Variants in OLR1 observed in about 807,000 individuals in gnomAD.
OLR1 encodes the protein oxidized low-density lipoprotein receptor 1.
A neutral mutation model predicts 31.7 loss-of-function variants in OLR1; 23 were observed. The observed-to-expected ratio is 0.72, with a 90% confidence interval of 0.52 to 1.03. The LOEUF (loss-of-function observed/expected upper bound fraction) is 1.03. OLR1 is among the 50% of genes least tolerant of loss of function. OLR1 has a pLI of 0.00. For synonymous variants in OLR1, 117 were observed against 115.8 expected, an observed-to-expected ratio of 1.01 and a Z score of -0.07; for missense variants, 286 against 315.7, an observed-to-expected ratio of 0.91 and a Z score of 0.71.
Position 10,166,828 on chromosome 12 carries a change from T to C in OLR1, c.308A>G (p.Lys103Arg). ...EASQESENEL[K>R]EMIETLARKL... is the part of the protein sequence containing the mutation. ...CCGAGCAAGGGTTTCTATCATTTCCTTGAGTTCGTTTTCTGACTCCTGTGA... is the reference window on the plus strand; with the variant it reads ...CCGAGCAAGGGTTTCTATCATTTCCCTGAGTTCGTTTTCTGACTCCTGTGA... The change falls in exon 3 of 6, where the codon AAG becomes AGG. Residue 103 changes from lysine to arginine, a missense_variant. Transcript: ENST00000309539. 1.2e-6 allele frequency: 2 copies of C among 1,613,852 alleles called. No individual in the cohort carries two copies. Among genetic ancestry groups the C allele is most frequent in the Non-Finnish European group, 1.7e-6 (2 of 1,179,998 alleles).
chr12:10,165,160 G>A (rs1036865487), intron 3 of OLR1, among the ~76,000 whole-genome samples: 1 of 152,190 alleles, frequency 6.6e-6, no homozygotes, highest in African/African-American at 2.4e-5. Context: ...CTATTCGGGA[G>A]GCTGAGGCAG....
upstream of OLR1, among the ~76,000 whole-genome samples, chr12:10,174,264 T>C (rs983396924): frequency 3.9e-5 from 6 of 152,212 alleles, no homozygotes; most frequent in Admixed American, 3.9e-4. Flanking sequence ...GGTTTCACCA[T>C]GTTGGCCAGG....
Position 10,172,055 on chromosome 12 carries a change from A to C in OLR1, c.23T>G (p.Ile8Ser). 1.2e-6 allele frequency: 2 copies of C among 1,613,704 alleles called. No homozygotes were observed. Among genetic ancestry groups the C allele is most frequent in the Non-Finnish European group, 1.7e-6 (2 of 1,179,792 alleles). The change falls in exon 1 of 6, where the codon ATC becomes AGC. Residue 8 changes from isoleucine (I) to serine (S), a missense_variant. By Grantham distance (142) the Ile-to-Ser change is moderately radical. Transcript: ENST00000309539. Reference protein sequence around the residue: MTFDDLKIQTVKDQPDEK... With the variant: MTFDDLKSQTVKDQPDEK... ...ATCAGGCTGGTCCTTCACAGTCTGG[A>C]TCTTTAGGTCATCAAAAGTCATTTC...
upstream of OLR1, among the ~76,000 whole-genome samples, chr12:10,174,139 C>T (rs557192610): frequency 1.8e-4 from 27 of 152,190 alleles, no homozygotes; most frequent in Non-Finnish European, 3.4e-4. Context: ...CGGCTCACTG[C>T]AACCTCCGCC....
chr12:10,160,060 C>T (rs771684578), intron 5 of OLR1, 39 bp from the exon 6 acceptor site: 4 of 1,567,762 alleles, frequency 2.6e-6, no homozygotes, highest in South Asian at 1.2e-5. Context: ...AACAAAAAAA[C>T]TTAGGTTTAC....
chr12:10,173,547 A>AGG (rs5796382), upstream of OLR1, among the ~76,000 whole-genome samples: 69 of 149,238 alleles, frequency 4.6e-4, no homozygotes, highest in African/African-American at 8.6e-4. Context: ...TGGGAAGCTG[A>AGG]GGGGGGGGGT....
chr12:10,165,178 C>A (rs191133523), intron 3 of OLR1, among the ~76,000 whole-genome samples: 8 of 152,008 alleles, frequency 5.3e-5, no homozygotes, highest in African/African-American at 1.7e-4. Context: ...CAGGAGAATC[C>A]CTCGAACCCG....
chr12:10,172,940 G>C (rs1948735766), upstream of OLR1, among the ~76,000 whole-genome samples: 1 of 152,102 alleles, frequency 6.6e-6, no homozygotes, highest in East Asian at 1.9e-4. Context: ...TTTACACTAG[G>C]TTTGTGAAAA....
intron 3 of OLR1, among the ~76,000 whole-genome samples, chr12:10,161,617 A>AGGCTG (rs1182830028): frequency 1.3e-5 from 2 of 152,158 alleles, no homozygotes; most frequent in East Asian, 3.9e-4. Flanking sequence ...TATGTTGTCC[A>AGGCTG]GGCTGGTCTT....
intron 3 of OLR1, among the ~76,000 whole-genome samples, chr12:10,161,167 C>A (rs1948617136): frequency 6.6e-6 from 1 of 151,932 alleles, no homozygotes; most frequent in Admixed American, 6.6e-5. Flanking sequence ...AAAATTTTAC[C>A]CAGGTTCTGC....
At chr12:10,173,834 C>G (rs1257074504), upstream of OLR1, among the ~76,000 whole-genome samples, 1 of 150,446 alleles carries the variant, frequency 6.6e-6, no homozygotes, top group Non-Finnish European at 1.5e-5. Context: ...ATTATCATTT[C>G]TACAGTGACT....
Position 10,159,640 on chromosome 12 carries a change from G to T in OLR1, c.*240C>A. 2.8e-6 allele frequency: 1 copy of T among 355,892 alleles called. No homozygotes were observed. Among genetic ancestry groups the T allele is most frequent in the Admixed American group, 3.8e-5 (1 of 26,184 alleles). The allele number at this position is 355,892 out of a possible 1,614,324, so 22.0% of individuals were successfully genotyped here. ...ATTTTAAAATAAAAAGGGGAAAATG[G>T]ACTTCAGGCTGGCAGGGAAGCTTGG... On this transcript the variant is annotated 3_prime_UTR_variant, in exon 6 of 6. Transcript: ENST00000309539.
Position 10,172,047 on chromosome 12 carries a change from C to T in OLR1, c.31G>A (p.Val11Met). Reference sequence around the variant, plus strand: ...GACTTCTCATCAGGCTGGTCCTTCACAGTCTGGATCTTTAGGTCATCAAAA... The same window carrying T: ...GACTTCTCATCAGGCTGGTCCTTCATAGTCTGGATCTTTAGGTCATCAAAA... MTFDDLKIQT[V>M]KDQPDEKSNG... The change falls in exon 1 of 6, where the codon GTG (valine) becomes ATG (methionine). Residue 11 changes from valine (V) to methionine (M), a missense_variant. Physicochemically the swap from Val to Met is conservative, Grantham distance 21 (BLOSUM62 1). Coordinates refer to ENST00000309539, the MANE Select transcript of OLR1 (RefSeq NM_002543.4). 6.2e-7 allele frequency: 1 copy of T among 1,613,848 alleles called. No homozygotes were observed. Among genetic ancestry groups the T allele is most frequent in the Non-Finnish European group, 8.5e-7 (1 of 1,179,836 alleles).
At chr12:10,174,788 T>A (rs140410504), upstream of OLR1, among the ~76,000 whole-genome samples, 1,049 of 152,384 alleles carry the variant, frequency 6.9e-3, 21 homozygotes, top group Admixed American at 0.029. Context: ...TTTGTTTCTA[T>A]AAATTGGTTT....
intron 3 of OLR1, among the ~76,000 whole-genome samples, chr12:10,165,137 C>T (rs1948650425): frequency 1.3e-5 from 2 of 152,172 alleles, no homozygotes; most frequent in African/African-American, 4.8e-5. Context: ...GTGGCGGGTG[C>T]CTCTAATCCC....
Position 10,166,738 on chromosome 12 carries a change from G to A in OLR1, c.398C>T (p.Thr133Ile). Residue 133 changes from threonine to isoleucine, a missense_variant, in exon 3 of 6, where the codon ACA (threonine) becomes ATA (isoleucine). Coordinates refer to ENST00000309539, the MANE Select transcript of OLR1 (RefSeq NM_002543.4). The part of the protein sequence containing the change: ...LHHQNLNLQE[T>I]LKRVANCSAP... ...TGAACAATTTGCTACTCTCTTCAGT[G>A]TTTCTTGGAGATTCAGATTCTGGTG... is the stretch of plus-strand genomic sequence containing the variant. The A allele has an allele frequency of 6.2e-7, 1 of 1,613,964 alleles. No individual in the cohort carries two copies.
chr12:10,169,580 T>C (rs994480924), intron 1 of OLR1, among the ~76,000 whole-genome samples: 1 of 152,222 alleles, frequency 6.6e-6, no homozygotes, highest in Non-Finnish European at 1.5e-5. Context: ...CTGAAGTTTT[T>C]AATATACACC....
At chr12:10,162,029 C>T (rs191931285) in intron 3 of OLR1, among the ~76,000 whole-genome samples, 13 of 151,588 alleles carry the variant, frequency 8.6e-5, no homozygotes, top group South Asian at 2.1e-4. Flanking sequence ...TCAATTTAAA[C>T]GAGATTTTAG....
upstream of OLR1, among the ~76,000 whole-genome samples, chr12:10,174,597 G>T (rs535697944): frequency 2.0e-4 from 31 of 152,244 alleles, no homozygotes; most frequent in Admixed American, 1.6e-3. Flanking sequence ...CCACTCGCTG[G>T]CCGAGTCTGG....
Sources: allele counts gnomAD v4.1 joint callset (sites outside exome capture counted in the v4.1 genomes callset), GRCh38; gene constraint gnomAD v4.1.1; transcripts MANE v1.5; gene names NCBI Gene and HGNC (gene_info 2026-07-23, HGNC 2026-07-21).